DMD: variants seen among roughly 807,000 people sequenced by gnomAD.
The protein encoded by DMD is mutant dystrophin.
A neutral mutation model predicts 330.1 loss-of-function variants in DMD; 63 were observed. That is an observed-to-expected ratio of 0.19 (90% confidence interval 0.16 to 0.24). The LOEUF is 0.24. DMD is among the 10% of genes least tolerant of loss of function. The pLI is 1.00. For synonymous variants in DMD, 1,223 were observed against 959.8 expected (o/e 1.27, Z -5.07); for missense variants, 3,344 against 2,684.1 (o/e 1.25, Z -5.43).
chrX:31,232,435 T>C (rs766286207), intron 63 of DMD, among the ~76,000 whole-genome samples: 70 of 111,765 alleles, frequency 6.3e-4, no homozygotes, highest in Middle Eastern at 4.6e-3. Flanking sequence ...CTCCAGTATT[T>C]TGGTGGCTTA....
intron 16 of DMD, among the ~76,000 whole-genome samples, chrX:32,559,706 T>C (rs808583): frequency 0.17 from 19,166 of 111,268 alleles, 1,529 homozygotes; most frequent in East Asian, 0.43. Context: ...TTCATCTTGG[T>C]ACATTGGCAT....
intron 23 of DMD, 88 bp downstream of exon 23, chrX:32,468,410 T>C (rs1478670774): frequency 1.2e-6 from 1 of 833,607 alleles, no homozygotes; most frequent in Non-Finnish European, 1.7e-6. Flanking sequence ...GAAGGTCAAA[T>C]GCTTATGTAC....
chrX:32,737,329 G>T (rs1206836852), intron 7 of DMD, among the ~76,000 whole-genome samples: 3 of 111,051 alleles, frequency 2.7e-5, no homozygotes, highest in Non-Finnish European at 5.7e-5. Context: ...TTAGTGTGAG[G>T]AAAGAAAGGA....
At chrX:33,270,269 T>C (rs1176995352) in intron 1 of DMD, among the ~76,000 whole-genome samples, 2 of 111,132 alleles carry the variant, frequency 1.8e-5, no homozygotes, top group Non-Finnish European at 3.8e-5. Flanking sequence ...CCAAACTATC[T>C]TTTGAGAGCC....
rs1375352656 is a variant in DMD at position 32,420,903 on chromosome X, CCTT to C, written c.4072-8993_4072-8991del. 5.4e-5 allele frequency among the ~76,000 whole-genome samples: 6 copies of C among 111,399 alleles called. No homozygotes were observed. The East Asian group carries it at 1.4e-3, about 26-fold the overall frequency. On this transcript the variant is annotated intron_variant, in intron 29 of 78. Transcript: ENST00000357033. The stretch of plus-strand genomic sequence containing the variant: ...GTGCATTAGAGATCTCTGCTGGATT[CCTT>C]CTACTGTGATGTAGGCTCATAATAC...
In DMD at chrX:32,365,121, A is replaced by G. The variant is rs376720373; in HGVS notation, c.4924T>C (p.Leu1642=). Residue 1642 remains leucine (L), a synonymous_variant, in exon 35 of 79, where the codon TTG becomes CTG. Transcript: ENST00000357033. ...TCCACCAACGTCTCCTTCTTGCCCA[A>G]AACTGTTTTCAAGGCCTCTCCTACC... is the stretch of plus-strand genomic sequence containing the variant. ...TEVGEALKTV[L]GKKETLVEDK... is the part of the protein sequence containing the mutation. The G allele has an allele frequency of 6.6e-6, 8 of 1,210,781 alleles. No homozygotes were observed. Among genetic ancestry groups the G allele is most frequent in the East Asian group, 3.0e-5 (1 of 33,758 alleles).
intron 48 of DMD, among the ~76,000 whole-genome samples, chrX:31,852,345 T>C (rs376597844): frequency 8.9e-6 from 1 of 111,928 alleles, no homozygotes; most frequent in Non-Finnish European, 1.9e-5. Context: ...TTTGGAAAAC[T>C]TTATACATAC....
intron 30 of DMD, among the ~76,000 whole-genome samples, chrX:32,408,922 A>T (rs2098130884): frequency 9.2e-6 from 1 of 108,901 alleles, no homozygotes; most frequent in Non-Finnish European, 1.9e-5. Context: ...CCATCCATCA[A>T]TCCATACATC....
rs140556056 is a variant in DMD at position 32,672,051 on chromosome X, G to A, written c.960+25819C>T. Among the ~76,000 whole-genome samples, 605 of 111,531 alleles carry A rather than the reference G, an allele frequency of 5.4e-3. 6 individuals are homozygous for A. The highest frequency in any genetic ancestry group is 9.2e-3 in the Middle Eastern group (2 of 217). ...GAAAGCCAATTTGTCATTGTTTTAT[G>A]ACATATATTTATCTTCATGTATATG... On this transcript the variant is annotated intron_variant, in intron 9 of 78. Coordinates refer to ENST00000357033, the MANE Select transcript of DMD (RefSeq NM_004006.3).
intron 4 of DMD, among the ~76,000 whole-genome samples, chrX:32,833,636 A>T (rs2148910470): frequency 9.3e-6 from 1 of 107,341 alleles, no homozygotes; most frequent in Admixed American, 1.0e-4. Flanking sequence ...TAACGACAAA[A>T]ATCAACCCAT....
intron 43 of DMD, among the ~76,000 whole-genome samples, chrX:32,225,825 T>A (rs986824648): frequency 1.2e-4 from 13 of 109,779 alleles, no homozygotes; most frequent in Non-Finnish European, 2.3e-4. Flanking sequence ...CAGAAACAGA[T>A]GTTGCTATGC....
At chrX:32,252,879 A>T (rs1373297552) in intron 43 of DMD, among the ~76,000 whole-genome samples, 40 of 70,157 alleles carry the variant, frequency 5.7e-4, no homozygotes, top group African/African-American at 2.5e-3. Flanking sequence ...AATATATAAA[A>T]ATATATATAA....
intron 2 of DMD, among the ~76,000 whole-genome samples, chrX:32,880,284 C>CAA (rs35737187): frequency 0.08 from 6,833 of 84,959 alleles, 280 homozygotes; most frequent in East Asian, 0.15. Context: ...CCAACAGGGC[C>CAA]AAAAAAAAAA....
chrX:32,632,202 A>C (rs1361878837), intron 11 of DMD, among the ~76,000 whole-genome samples: 1 of 111,569 alleles, frequency 9.0e-6, no homozygotes, highest in Non-Finnish European at 1.9e-5. Flanking sequence ...AAATCTTAAA[A>C]CTCCAAAATT....
chrX:31,349,483 G>T (rs1430306703), intron 60 of DMD, among the ~76,000 whole-genome samples: 1 of 112,525 alleles, frequency 8.9e-6, no homozygotes, highest in Non-Finnish European at 1.9e-5. Flanking sequence ...ATAAAATAGG[G>T]TGGGTAGTAA....
At chrX:31,776,729 T>C (rs1269259453) in intron 50 of DMD, among the ~76,000 whole-genome samples, 1 of 110,922 alleles carries the variant, frequency 9.0e-6, no homozygotes, top group East Asian at 2.9e-4. Context: ...AGGAATCTAT[T>C]GGAAGTCTAT....
chrX:32,343,557 T>A (rs1410371457), intron 39 of DMD, among the ~76,000 whole-genome samples: 2 of 111,859 alleles, frequency 1.8e-5, no homozygotes, highest in African/African-American at 3.2e-5. Flanking sequence ...CACATTCAAT[T>A]GACTCTTAAT....
chrX:33,214,456 TACA>T (rs778808893), upstream of DMD, among the ~76,000 whole-genome samples: 1 of 111,701 alleles, frequency 9.0e-6, no homozygotes, highest in Non-Finnish European at 1.9e-5. Context: ...ATTAACATAG[TACA>T]TATGTCCAAT....
chrX:31,798,010 A>T (rs1396703719), intron 50 of DMD, among the ~76,000 whole-genome samples: 2 of 112,132 alleles, frequency 1.8e-5, no homozygotes, highest in African/African-American at 3.2e-5. Flanking sequence ...GTTCTCAAAC[A>T]ATATTTTTGC....
Sources: gnomAD v4.1 joint callset for allele counts (sites outside exome capture counted in the v4.1 genomes callset) on GRCh38, gnomAD v4.1.1 for gene constraint, MANE v1.5 for transcripts, NCBI Gene and HGNC (gene_info 2026-07-23, HGNC 2026-07-21) for gene names.